Variants in ENTREP1 observed in about 807,000 individuals in gnomAD.
The protein encoded by ENTREP1 is Friedreich ataxia region gene X123.
At chr9:69,380,966 C>G in the ENTREP1 span, 1 of 152,198 alleles carries the variant, frequency 6.6e-6, no homozygotes, top group Non-Finnish European at 1.5e-5. Flanking sequence ...GGGGAGGGCC[C>G]TTCCCTCTCT....
the ENTREP1 span, among the ~76,000 whole-genome samples, chr9:69,340,531 T>C: frequency 6.6e-6 from 1 of 152,034 alleles, no homozygotes; most frequent in African/African-American, 2.4e-5. Context: ...TATTGGAAAA[T>C]AGTTGGTAAA....
the ENTREP1 span, chr9:69,388,360 C>G: frequency 6.2e-7 from 1 of 1,614,108 alleles, no homozygotes; most frequent in South Asian, 1.1e-5. Context: ...CCCCAGACAT[C>G]CATGAACTTG....
chr9:69,356,626 G>T, the ENTREP1 span, among the ~76,000 whole-genome samples: 1 of 152,178 alleles, frequency 6.6e-6, no homozygotes, highest in Non-Finnish European at 1.5e-5. Context: ...CAGAGAAGTG[G>T]AGTCTCAGGA....
the ENTREP1 span, chr9:69,377,788 G>A: frequency 1.9e-6 from 3 of 1,562,416 alleles, no homozygotes; most frequent in Non-Finnish European, 2.6e-6. Flanking sequence ...GGATGCTGTG[G>A]GTTCTGAAGA....
the ENTREP1 span, among the ~76,000 whole-genome samples, chr9:69,346,547 C>T: frequency 2.0e-5 from 3 of 152,038 alleles, no homozygotes; most frequent in Non-Finnish European, 4.4e-5. Flanking sequence ...TTACTTCTTT[C>T]CCTGCTTTCC....
the ENTREP1 span, among the ~76,000 whole-genome samples, chr9:69,351,506 T>C: frequency 6.6e-6 from 1 of 152,180 alleles, no homozygotes; most frequent in African/African-American, 2.4e-5. Context: ...AACCTCCACC[T>C]CGCGGGTTCA....
chr9:69,354,853 A>G, the ENTREP1 span, among the ~76,000 whole-genome samples: 1 of 152,206 alleles, frequency 6.6e-6, no homozygotes, highest in East Asian at 1.9e-4. Flanking sequence ...TATGTTAAAA[A>G]ATGTCAATAA....
At chr9:69,325,630 G>C in the ENTREP1 span, 1 of 1,231,126 alleles carries the variant, frequency 8.1e-7, no homozygotes, top group East Asian at 3.2e-5. Context: ...AGCTGATCTT[G>C]GGCTGCTGCA....
chr9:69,372,697 T>G, the ENTREP1 span, among the ~76,000 whole-genome samples: 1 of 152,202 alleles, frequency 6.6e-6, no homozygotes, highest in Non-Finnish European at 1.5e-5. Context: ...TTTGGATATA[T>G]AACCAGAAGT....
chr9:69,336,604 C>T, the ENTREP1 span, among the ~76,000 whole-genome samples: 1 of 152,186 alleles, frequency 6.6e-6, no homozygotes, highest in Non-Finnish European at 1.5e-5. Context: ...AATGAACTCC[C>T]TGTACCCATC....
chr9:69,357,905 A>G, the ENTREP1 span, among the ~76,000 whole-genome samples: 2 of 152,170 alleles, frequency 1.3e-5, no homozygotes, highest in Non-Finnish European at 2.9e-5. Flanking sequence ...TTATATTGAA[A>G]TGCTTCCCCA....
At chr9:69,340,777 A>G in the ENTREP1 span, among the ~76,000 whole-genome samples, 167 of 42,634 alleles carry the variant, frequency 3.9e-3, 2 homozygotes, top group Middle Eastern at 0.019. Context: ...GTGTGTGTGT[A>G]TGTGTGTGTG....
At chr9:69,361,953 C>T in the ENTREP1 span, among the ~76,000 whole-genome samples, 78 of 152,186 alleles carry the variant, frequency 5.1e-4, 1 homozygote, top group East Asian at 6.9e-3. Flanking sequence ...AGGATTTCTG[C>T]GTTAAAAATA....
the ENTREP1 span, among the ~76,000 whole-genome samples, chr9:69,345,910 C>T: frequency 6.6e-6 from 1 of 151,572 alleles, no homozygotes; most frequent in Non-Finnish European, 1.5e-5. Context: ...GGCCTACCTT[C>T]TTATTCTTAT....
At chr9:69,329,461 CT>C in the ENTREP1 span, 1 of 983,592 alleles carries the variant, frequency 1.0e-6, no homozygotes, top group South Asian at 4.7e-5. Context: ...TATATTTTAT[CT>C]ATTTTAAAAA....
chr9:69,357,160 A>AAGG, the ENTREP1 span, among the ~76,000 whole-genome samples: 1 of 152,042 alleles, frequency 6.6e-6, no homozygotes, highest in Non-Finnish European at 1.5e-5. Flanking sequence ...AATGTGCTAA[A>AAGG]AGGAGGGACT....
the ENTREP1 span, chr9:69,388,372 A>G: frequency 2.5e-6 from 4 of 1,614,174 alleles, no homozygotes; most frequent in Non-Finnish European, 3.4e-6. Context: ...ATGAACTTGT[A>G]GAAAACATTA....
At chr9:69,345,451 A>C in the ENTREP1 span, among the ~76,000 whole-genome samples, 43 of 152,170 alleles carry the variant, frequency 2.8e-4, no homozygotes, top group Non-Finnish European at 4.3e-4. Flanking sequence ...TTTATTTCAT[A>C]TTTATAGTTA....
chr9:69,384,739 T>C, the ENTREP1 span, among the ~76,000 whole-genome samples: 3 of 152,172 alleles, frequency 2.0e-5, no homozygotes, highest in Non-Finnish European at 2.9e-5. Flanking sequence ...AAAATCACAA[T>C]GGTGATAAAT....
Sources: gnomAD v4.1 joint callset for allele counts (sites outside exome capture counted in the v4.1 genomes callset) on GRCh38, gnomAD v4.1.1 for gene constraint, MANE v1.5 for transcripts, NCBI Gene and HGNC (gene_info 2026-07-23, HGNC 2026-07-21) for gene names.